OR52N5: variants seen among roughly 807,000 people sequenced by gnomAD.
OR52N5 encodes the protein olfactory receptor family 52 subfamily N member 5.
In OR52N5, 10 loss-of-function variants were observed where a neutral mutation model predicts 14.1. The ratio of observed to expected loss-of-function variants is 0.71; its 90% CI spans 0.44 to 1.20. The LOEUF (loss-of-function observed/expected upper bound fraction) is 1.20. OR52N5 is among the 50% of genes most tolerant of loss of function. OR52N5 has a pLI of 0.00. For synonymous variants in OR52N5, 116 were observed against 143.0 expected, an observed-to-expected ratio of 0.81 and a Z score of 1.35; for missense variants, 361 against 403.2, an observed-to-expected ratio of 0.90 and a Z score of 0.90.
At chr11:5,779,945 C>T (rs1019486565) in intron 2 of OR52N5, among the ~76,000 whole-genome samples, 1 of 139,544 alleles carries the variant, frequency 7.2e-6, no homozygotes, top group Non-Finnish European at 1.6e-5. Context: ...TGTAGTCTAT[C>T]TTCAGAAAAA....
At chr11:5,779,501 T>C (rs2134225995) in intron 2 of OR52N5, among the ~76,000 whole-genome samples, 1 of 140,006 alleles carries the variant, frequency 7.1e-6, no homozygotes, top group East Asian at 2.1e-4. Context: ...TCTCTTTTTA[T>C]ATAATTCTCA....
In OR52N5 at chr11:5,778,071, G is replaced by A. The variant is rs538185669; in HGVS notation, c.564C>T (p.Cys188=). 118 of 1,518,300 alleles carry A rather than the reference G, an allele frequency of 7.8e-5. 24 individuals are homozygous for A. The highest frequency in any genetic ancestry group is 5.7e-4 in the South Asian group (49 of 85,802). 94.1% of individuals were successfully genotyped at this position (1,518,300 alleles called of 1,614,324 possible). A position where few individuals can be genotyped will look rare whatever the true frequency, so the allele number is the denominator to read the frequency against. Residue 188 remains cysteine (C), a synonymous_variant, in exon 3 of 3, where the codon TGC becomes TGT. Transcript: ENST00000641181. ...ATAGCTTTACTACAGACATGTGGTCGCAGTACGTATGGGAGATAATATTGC... is the reference window on the plus strand; with the variant it reads ...ATAGCTTTACTACAGACATGTGGTCACAGTACGTATGGGAGATAATATTGC... ...CQSNIISHTY[C]DHMSVVKLSC...
rs113624850 is a variant in OR52N5 at position 5,777,965 on chromosome 11, A to T, written c.670T>A (p.Ser224Thr). ...TTGAGGATCAAAGTGTAAGACAAAG[A>T]TATACAACAAATGTCAAACACTCCA... is the stretch of plus-strand genomic sequence containing the variant. ...LIGVFDICCI[S>T]LSYTLILKAA... Residue 224 changes from serine (S) to threonine (T), a missense_variant, in exon 3 of 3, where the codon TCT (serine) becomes ACT (threonine). By Grantham distance (58) the Ser-to-Thr change is moderately conservative. Coordinates refer to ENST00000641181, the MANE Select transcript of OR52N5 (RefSeq NM_001385662.1). 65 of 1,519,940 alleles carry T rather than the reference A, an allele frequency of 4.3e-5. 13 individuals are homozygous for T. In the African/African-American group the frequency reaches 4.8e-4, roughly 11 times the overall value. 94.2% of individuals were successfully genotyped at this position (1,519,940 alleles called of 1,614,324 possible).
Position 5,777,512 on chromosome 11 carries a change from T to C in OR52N5, c.*148A>G, listed in dbSNP as rs1854504404. On this transcript the variant is annotated 3_prime_UTR_variant, in exon 3 of 3. Transcript: ENST00000641181. Reference sequence around the variant, plus strand: ...TGAGATATACATCCAGAATGGGCTATAAATTTCCCCAAAACAGTTTCAGAA... The same window carrying C: ...TGAGATATACATCCAGAATGGGCTACAAATTTCCCCAAAACAGTTTCAGAA... The C allele has an allele frequency of 1.6e-6, 1 of 608,106 alleles. No homozygotes were observed. Among genetic ancestry groups the C allele is most frequent in the Non-Finnish European group, 2.5e-6 (1 of 400,650 alleles). The allele number at this position is 608,106 out of a possible 1,614,324, so 37.7% of individuals were successfully genotyped here.
Position 5,777,811 on chromosome 11 carries a change from C to T in OR52N5, c.824G>A (p.Gly275Glu), listed in dbSNP as rs763224026. Residue 275 changes from glycine (G) to glutamate (E), a missense_variant, in exon 3 of 3, where the codon GGA (glycine) becomes GAA (glutamate). Transcript: ENST00000641181. The part of the protein sequence containing the change: ...FFTFFAHRFG[G>E]HTIPPSLHII... ...GTGAAGAGAAGGGGGAATTGTGTGT[C>T]CCCCAAAACGGTGGGCAAAGAAAGT... 1 of 1,520,336 alleles carries T rather than the reference C, an allele frequency of 6.6e-7. No individual in the cohort carries two copies. The highest frequency in any genetic ancestry group is 9.0e-7 in the Non-Finnish European group (1 of 1,114,224). 94.2% of individuals were successfully genotyped at this position (1,520,336 alleles called of 1,614,324 possible). A position where few individuals can be genotyped will look rare whatever the true frequency, so the allele number is the denominator to read the frequency against.
chr11:5,778,223 G>C lies in OR52N5; in HGVS notation c.412C>G (p.Pro138Ala). ...ALDRYVAICYPLRYATTLTNP... is the reference protein window; with the variant it reads ...ALDRYVAICYALRYATTLTNP... ...GTGAGTGTGGTAGCATAACGCAAAG[G>C]GTAGCAAATGGCTACATAGCGGTCT... Residue 138 changes from proline (P) to alanine (A), a missense_variant, in exon 3 of 3, where the codon CCT becomes GCT. Transcript: ENST00000641181. The C allele has an allele frequency of 2.0e-6, 3 of 1,519,682 alleles. No homozygotes were observed. Among genetic ancestry groups the C allele is most frequent in the Non-Finnish European group, 2.7e-6 (3 of 1,113,454 alleles). 94.1% of individuals were successfully genotyped at this position (1,519,682 alleles called of 1,614,324 possible).
At chr11:5,780,003 A>G (rs188710346) in intron 2 of OR52N5, among the ~76,000 whole-genome samples, 1 of 139,698 alleles carries the variant, frequency 7.2e-6, no homozygotes, top group African/African-American at 2.6e-5. Flanking sequence ...TCTTTCTAAC[A>G]CCACTTTCAG....
chr11:5,778,763 T>C, intron 2 of OR52N5, 106 bp from the exon 3 acceptor site: 1 of 586,970 alleles, frequency 1.7e-6, no homozygotes, highest in Middle Eastern at 4.8e-4. Context: ...CAATTATACA[T>C]AAGTGACTAT....
At position 5,777,814 on chromosome 11, in the gene OR52N5, C is replaced by T. The variant is rs139255166; in HGVS notation, c.821G>A (p.Gly274Glu). ...AAGAGAAGGGGGAATTGTGTGTCCC[C>T]CAAAACGGTGGGCAAAGAAAGTGAA... ...AFFTFFAHRF[G>E]GHTIPPSLHI... is the part of the protein sequence containing the mutation. Residue 274 changes from glycine (G) to glutamate (E), a missense_variant, in exon 3 of 3, where the codon GGG becomes GAG. By Grantham distance (98) the Gly-to-Glu change is moderately conservative. Coordinates refer to ENST00000641181, the MANE Select transcript of OR52N5 (RefSeq NM_001385662.1). 1.3e-6 allele frequency: 2 copies of T among 1,520,354 alleles called. No homozygotes were observed. The highest frequency in any genetic ancestry group is 1.4e-5 in the African/African-American group (1 of 69,892). The allele number at this position is 1,520,354 out of a possible 1,614,324, so 94.2% of individuals were successfully genotyped here. A position where few individuals can be genotyped will look rare whatever the true frequency, so the allele number is the denominator to read the frequency against.
rs907301564 is a variant in OR52N5, at chr11:5,779,662, TGAC to T, written c.-23-1008_-23-1006del. ...CAGCTGTTGAGTCCTTCTAAATGCA[TGAC>T]GACTATTTTCATCAGAAATATCCAT... On this transcript the variant is annotated intron_variant, in intron 2 of 2. Transcript: ENST00000641181. Among the ~76,000 whole-genome samples the T allele has an allele frequency of 2.1e-5, 3 of 139,898 alleles. 1 individual carries two copies. Among genetic ancestry groups the T allele is most frequent in the African/African-American group, 7.8e-5 (3 of 38,272 alleles). The allele number at this position is 139,898 out of a possible 152,430, so 91.8% of individuals were successfully genotyped here.
In OR52N5 at chr11:5,777,568, C is replaced by T; in HGVS notation, c.*92G>A. ...AGACTGAGAGAGAAAATGTATGATA[C>T]TACACATGAATAAATGTAAAATATC... On this transcript the variant is annotated 3_prime_UTR_variant, in exon 3 of 3. Coordinates refer to ENST00000641181, the MANE Select transcript of OR52N5 (RefSeq NM_001385662.1). The T allele has an allele frequency of 2.0e-6, 2 of 1,004,656 alleles. No individual in the cohort carries two copies. The highest frequency in any genetic ancestry group is 2.8e-6 in the Non-Finnish European group (2 of 710,508). The allele number at this position is 1,004,656 out of a possible 1,614,324, so 62.2% of individuals were successfully genotyped here. A position where few individuals can be genotyped will look rare whatever the true frequency, so the allele number is the denominator to read the frequency against.
In OR52N5 at chr11:5,777,945, G is replaced by A. The variant is rs1441705998; in HGVS notation, c.690C>T (p.Ile230=). 18 of 1,521,012 alleles carry A rather than the reference G, an allele frequency of 1.2e-5. 4 individuals are homozygous for A. In the African/African-American group the frequency reaches 2.4e-4, roughly 20 times the overall value. 94.2% of individuals were successfully genotyped at this position (1,521,012 alleles called of 1,614,324 possible). The change falls in exon 3 of 3, where the codon ATC becomes ATT. Residue 230 remains isoleucine, a synonymous_variant. Transcript: ENST00000641181. ...ICCISLSYTL[I]LKAAISLSSS... is the part of the protein sequence containing the mutation. ...AAGAGAGGCTGATCGCTGCCTTGAGGATCAAAGTGTAAGACAAAGATATAC... is the reference window on the plus strand; with the variant it reads ...AAGAGAGGCTGATCGCTGCCTTGAGAATCAAAGTGTAAGACAAAGATATAC...
chr11:5,776,332 A>G lies in OR52N5; in HGVS notation c.*1328T>C, dbSNP rs1399381894. On this transcript the variant is annotated 3_prime_UTR_variant, in exon 3 of 3. Coordinates refer to ENST00000641181, the MANE Select transcript of OR52N5 (RefSeq NM_001385662.1). ...AATGATTTAATCAATCATTTCACCA[A>G]TTGGTTGACATTTAACTGGGAAAGC... 2 of 140,500 alleles carry G rather than the reference A, an allele frequency of 1.4e-5. 1 individual carries two copies. Among genetic ancestry groups the G allele is most frequent in the Non-Finnish European group, 3.2e-5 (2 of 63,414 alleles). 8.7% of individuals were successfully genotyped at this position (140,500 alleles called of 1,614,324 possible). A position where few individuals can be genotyped will look rare whatever the true frequency, so the allele number is the denominator to read the frequency against.
Position 5,778,031 on chromosome 11 carries a change from T to G in OR52N5, c.604A>C (p.Lys202Gln). The G allele has an allele frequency of 6.6e-7, 1 of 1,521,244 alleles. No individual in the cohort carries two copies. The highest frequency in any genetic ancestry group is 9.0e-7 in the Non-Finnish European group (1 of 1,114,298). The allele number at this position is 1,521,244 out of a possible 1,614,324, so 94.2% of individuals were successfully genotyped here. A position where few individuals can be genotyped will look rare whatever the true frequency, so the allele number is the denominator to read the frequency against. Residue 202 changes from lysine to glutamine, a missense_variant, in exon 3 of 3, where the codon AAG becomes CAG. Transcript: ENST00000641181. ...SVVKLSCASI[K>Q]VNVIYGLMVA... is the part of the protein sequence containing the mutation. ...ATTAGACCATAGATTACATTGACCTTGATGCTGGCACAAGATAGCTTTACT... is the reference window on the plus strand; with the variant it reads ...ATTAGACCATAGATTACATTGACCTGGATGCTGGCACAAGATAGCTTTACT...
Position 5,778,358 on chromosome 11 carries a change from T to C in OR52N5, c.277A>G (p.Ile93Val). Residue 93 changes from isoleucine (I) to valine (V), a missense_variant, in exon 3 of 3, where the codon ATC (isoleucine) becomes GTC (valine). Transcript: ENST00000641181. The part of the protein sequence containing the change: ...CTTTLPNALC[I>V]FWFSLKEINF... ...ATTTCTTTGAGACTGAACCAGAAGA[T>C]GCAGAGTGCATTGGGTAGAGTGGTG... 1.3e-6 allele frequency: 2 copies of C among 1,520,088 alleles called. No homozygotes were observed. The highest frequency in any genetic ancestry group is 9.0e-7 in the Non-Finnish European group (1 of 1,114,196). 94.2% of individuals were successfully genotyped at this position (1,520,088 alleles called of 1,614,324 possible). A position where few individuals can be genotyped will look rare whatever the true frequency, so the allele number is the denominator to read the frequency against.
chr11:5,778,116 C>T lies in OR52N5; in HGVS notation c.519G>A (p.Lys173=). 2.0e-6 allele frequency: 3 copies of T among 1,521,194 alleles called. No homozygotes were observed. Among genetic ancestry groups the T allele is most frequent in the Non-Finnish European group, 2.7e-6 (3 of 1,114,404 alleles). 94.2% of individuals were successfully genotyped at this position (1,521,194 alleles called of 1,614,324 possible). A position where few individuals can be genotyped will look rare whatever the true frequency, so the allele number is the denominator to read the frequency against. ...LLMIPFPFLV[K]RLPFCQSNII... The stretch of plus-strand genomic sequence containing the variant: ...TATTGCTTTGGCAGAAAGGCAAACG[C>T]TTAACCAAGAATGGGAAAGGAATCA... Residue 173 remains lysine (K), a synonymous_variant, in exon 3 of 3, where the codon AAG becomes AAA. Coordinates refer to ENST00000641181, the MANE Select transcript of OR52N5 (RefSeq NM_001385662.1).
chr11:5,778,875 AT>A (rs148491225), intron 2 of OR52N5, among the ~76,000 whole-genome samples: 1 of 139,664 alleles, frequency 7.2e-6, no homozygotes, highest in Admixed American at 7.4e-5. Flanking sequence ...AAAAAGTTGT[AT>A]TTTTTTTACC....
In OR52N5 at chr11:5,777,607, T is replaced by C. The variant is rs1854505181; in HGVS notation, c.*53A>G. 4 of 1,229,216 alleles carry C rather than the reference T, an allele frequency of 3.3e-6. 1 individual carries two copies. Among genetic ancestry groups the C allele is most frequent in the Non-Finnish European group, 4.5e-6 (4 of 896,212 alleles). 76.1% of individuals were successfully genotyped at this position (1,229,216 alleles called of 1,614,324 possible). A position where few individuals can be genotyped will look rare whatever the true frequency, so the allele number is the denominator to read the frequency against. On this transcript the variant is annotated 3_prime_UTR_variant, in exon 3 of 3. Coordinates refer to ENST00000641181, the MANE Select transcript of OR52N5 (RefSeq NM_001385662.1). Reference sequence around the variant, plus strand: ...ATGTAAAATATCACACGTAAGTTTATTCTTTGTTATTTTTCATTTATCTTT... The same window carrying C: ...ATGTAAAATATCACACGTAAGTTTACTCTTTGTTATTTTTCATTTATCTTT...
rs1378261872 is a variant in OR52N5 at position 5,777,765 on chromosome 11, A to G, written c.870T>C (p.Tyr290=). ...PSLHIIVANL[Y]LLLPPTLNPI... ...GGTTTAGAGTTGGGGGAAGAAGAAG[A>G]TAAAGATTAGCCACAATGATGTGAA... is the stretch of plus-strand genomic sequence containing the variant. Residue 290 remains tyrosine, a synonymous_variant, in exon 3 of 3, where the codon TAT becomes TAC. Transcript: ENST00000641181. 2.0e-6 allele frequency: 3 copies of G among 1,520,654 alleles called. 1 individual carries two copies. Among genetic ancestry groups the G allele is most frequent in the African/African-American group, 1.4e-5 (1 of 70,008 alleles). The allele number at this position is 1,520,654 out of a possible 1,614,324, so 94.2% of individuals were successfully genotyped here.
Sources: gnomAD v4.1 joint callset for allele counts (sites outside exome capture counted in the v4.1 genomes callset) on GRCh38, gnomAD v4.1.1 for gene constraint, MANE v1.5 for transcripts, NCBI Gene and HGNC (gene_info 2026-07-23, HGNC 2026-07-21) for gene names.